GCC2: variants seen among roughly 807,000 people sequenced by gnomAD.
GCC2 encodes GRIP and coiled-coil domain containing 2, also known as GRIP and coiled-coil domain-containing protein 2.
GCC2 carries 120 observed loss-of-function variants against 210.6 expected under a neutral mutation model. The ratio of observed to expected loss-of-function variants is 0.57; its 90% confidence interval spans 0.49 to 0.66. The LOEUF is 0.66. Ranked by LOEUF, GCC2 falls within the 30% of genes least tolerant of loss-of-function variation. The pLI, the probability that GCC2 is intolerant of heterozygous loss-of-function variation, is 0.00. For synonymous variants in GCC2, 703 were observed against 652.7 expected (o/e 1.08, Z -1.17); for missense variants, 1,868 against 1,871.9 (o/e 1.00, Z 0.04).
chr2:108,450,949 C>A, intron 2 of GCC2, 79 bp from the exon 3 acceptor site: 1 of 872,738 alleles, frequency 1.1e-6, no homozygotes, highest in Non-Finnish European at 1.9e-6. Context: ...TTTTTGTTTT[C>A]TAGCAGACAT....
intron 11 of GCC2, 83 bp from the exon 12 acceptor site, chr2:108,482,979 C>T (rs1458181406): frequency 3.6e-5 from 27 of 740,486 alleles, no homozygotes; most frequent in South Asian, 2.5e-4. Flanking sequence ...CACGCCCGGC[C>T]GTCAGATTTA....
At chr2:108,477,189 C>T (rs1159022419) in intron 9 of GCC2, among the ~76,000 whole-genome samples, 1 of 151,932 alleles carries the variant, frequency 6.6e-6, no homozygotes, top group Non-Finnish European at 1.5e-5. Context: ...TGACATCCTA[C>T]TCAAAGAGAC....
intron 22 of GCC2, among the ~76,000 whole-genome samples, chr2:108,501,269 G>A (rs1463696173): frequency 6.6e-6 from 1 of 152,036 alleles, no homozygotes; most frequent in East Asian, 1.9e-4. Flanking sequence ...ACAGGTGTGA[G>A]CCACCACGCC....
At chr2:108,489,706 C>A (rs1455595235) in intron 17 of GCC2, 132 bp from the exon 18 acceptor site, 2 of 521,936 alleles carry the variant, frequency 3.8e-6, no homozygotes, top group Non-Finnish European at 3.3e-6. Context: ...GTCTTGAATT[C>A]TTCTATTATA....
intron 12 of GCC2, 30 bp from the exon 13 acceptor site, chr2:108,484,119 G>T (rs1178802729): frequency 3.4e-6 from 5 of 1,483,968 alleles, no homozygotes; most frequent in Non-Finnish European, 3.6e-6. Context: ...ATCTACTATT[G>T]TGTAAATCTT....
At chr2:108,482,994 A>T in intron 11 of GCC2, 68 bp from the exon 12 acceptor site, 1 of 832,398 alleles carries the variant, frequency 1.2e-6, no homozygotes, top group Non-Finnish European at 2.0e-6. Context: ...GATTTATTTT[A>T]AAGCCCCTTA....
chr2:108,459,603 A>G (rs1451866751), intron 4 of GCC2, among the ~76,000 whole-genome samples: 1 of 151,952 alleles, frequency 6.6e-6, no homozygotes, highest in Non-Finnish European at 1.5e-5. Context: ...GTACGATTGC[A>G]CTGGAGTCTC....
intron 16 of GCC2, among the ~76,000 whole-genome samples, chr2:108,487,381 A>G (rs114560825): frequency 0.01 from 1,529 of 152,312 alleles, 14 homozygotes; most frequent in Non-Finnish European, 0.013. Flanking sequence ...GCCTCCCAAC[A>G]TGAAGACCTG....
At chr2:108,475,252 T>C (rs980736115) in intron 7 of GCC2, 1 of 200,832 alleles carries the variant, frequency 5.0e-6, no homozygotes, top group East Asian at 1.3e-4. Flanking sequence ...GGAAATCTAA[T>C]GAGAAAGAAG....
In GCC2 at chr2:108,470,182, G is replaced by A. The variant is rs1681117663; in HGVS notation, c.853G>A (p.Glu285Lys). The A allele has an allele frequency of 6.2e-7, 1 of 1,613,262 alleles. No homozygotes were observed. The change falls in exon 6 of 23, where the codon GAG becomes AAG. Residue 285 changes from glutamate (E) to lysine (K), a missense_variant. By Grantham distance (56) the Glu-to-Lys change is moderately conservative. Around this residue, in one of 3 missense-constraint regions of GCC2, gnomAD observed 1,847 missense variants for 1,765.2 expected, o/e 1.05. Coordinates refer to ENST00000309863, the MANE Select transcript of GCC2 (RefSeq NM_181453.4). The part of the protein sequence containing the change: ...ELKENLVKQC[E>K]ASEKNIQKKY... Reference sequence around the variant, plus strand: ...AAAAGAGAACTTAGTAAAACAATGTGAGGCAAGTGAAAAGAACATCCAGAA... The same window carrying A: ...AAAAGAGAACTTAGTAAAACAATGTAAGGCAAGTGAAAAGAACATCCAGAA...
At chr2:108,449,843 C>T in intron 2 of GCC2, 154 bp downstream of exon 2, 1 of 606,364 alleles carries the variant, frequency 1.6e-6, no homozygotes, top group Non-Finnish European at 2.9e-6. Flanking sequence ...TCGCCCATTT[C>T]CTGTTTCTCC....
At chr2:108,505,074 T>C (rs1683119610) in intron 22 of GCC2, among the ~76,000 whole-genome samples, 2 of 152,246 alleles carry the variant, frequency 1.3e-5, no homozygotes, top group Admixed American at 1.3e-4. Context: ...TTTTCTCCAA[T>C]TCTTATTTAC....
At chr2:108,466,464 T>A (rs930311591) in intron 4 of GCC2, among the ~76,000 whole-genome samples, 6 of 151,026 alleles carry the variant, frequency 4.0e-5, no homozygotes, top group Non-Finnish European at 7.4e-5. Flanking sequence ...ATGGTTTCTT[T>A]TTTATTTATT....
intron 22 of GCC2, among the ~76,000 whole-genome samples, chr2:108,500,512 CAAAA>C (rs1211953327): frequency 6.6e-6 from 1 of 151,988 alleles, no homozygotes; most frequent in Non-Finnish European, 1.5e-5. Context: ...CCATCTCAAA[CAAAA>C]AACATCAACA....
Position 108,475,852 on chromosome 2 carries a change from T to TA in GCC2, c.3060+8dup, listed in dbSNP as rs1181117747. 5.5e-6 allele frequency: 8 copies of TA among 1,457,962 alleles called. No individual in the cohort carries two copies. The highest frequency in any genetic ancestry group is 2.4e-5 in the South Asian group (2 of 82,158). The allele number at this position is 1,457,962 out of a possible 1,614,324, so 90.3% of individuals were successfully genotyped here. Reference sequence around the variant, plus strand: ...ATTCAAGGAGCAGAAAGCTATAAGGTAAAAAATAGTCATTTTAATAACAAG... The same window carrying TA: ...ATTCAAGGAGCAGAAAGCTATAAGGTAAAAAAATAGTCATTTTAATAACAAG... On this transcript the variant is annotated splice_region_variant and intron_variant, in intron 9 of 22. Transcript: ENST00000309863.
At position 108,471,920 on chromosome 2, in the gene GCC2, T is replaced by C. The variant is rs1186194933; in HGVS notation, c.2591T>C (p.Met864Thr). ...KEALQSDLLE[M>T]KNANEKTRLE... is the part of the protein sequence containing the mutation. Reference sequence around the variant, plus strand: ...GCCCTGCAGTCTGATCTTCTAGAAATGAAGAATGCTAATGAAAAAACAAGG... The same window carrying C: ...GCCCTGCAGTCTGATCTTCTAGAAACGAAGAATGCTAATGAAAAAACAAGG... The change falls in exon 6 of 23, where the codon ATG (methionine) becomes ACG (threonine). Residue 864 changes from methionine (M) to threonine (T), a missense_variant. Transcript: ENST00000309863. 1 of 1,601,018 alleles carries C rather than the reference T, an allele frequency of 6.2e-7. No individual in the cohort carries two copies. The highest frequency in any genetic ancestry group is 2.2e-5 in the East Asian group (1 of 44,788).
chr2:108,482,760 T>C (rs966358200), intron 11 of GCC2, among the ~76,000 whole-genome samples: 1 of 152,180 alleles, frequency 6.6e-6, no homozygotes, highest in Non-Finnish European at 1.5e-5. Context: ...CACTGCAAGC[T>C]CCACCTCCTG....
chr2:108,493,379 C>G (rs147137160), intron 19 of GCC2: 1 of 955,518 alleles, frequency 1.0e-6, no homozygotes, highest in Non-Finnish European at 1.2e-6. Flanking sequence ...TGAGCCACTG[C>G]GCCTGGCCGA....
chr2:108,464,341 G>A (rs1031143187), intron 4 of GCC2, among the ~76,000 whole-genome samples: 10 of 152,160 alleles, frequency 6.6e-5, no homozygotes, highest in Non-Finnish European at 1.0e-4. Flanking sequence ...ATTGCCACCC[G>A]TGCTGCCACC....
Sources: gnomAD v4.1 joint callset for allele counts (sites outside exome capture counted in the v4.1 genomes callset) on GRCh38, gnomAD v4.1.1 for gene constraint, gnomAD v4.1.1 regional missense constraint, MANE v1.5 for transcripts, NCBI Gene and HGNC (gene_info 2026-07-23, HGNC 2026-07-21) for gene names.